The following KCNH5 variants were observed in gnomAD, a reference collection of about 807,000 sequenced individuals.
KCNH5 encodes the protein voltage-gated delayed rectifier potassium channel KCNH5.
In KCNH5, 46 loss-of-function variants were observed where a neutral mutation model predicts 96.1. The ratio of observed to expected loss-of-function variants is 0.48; its 90% CI spans 0.38 to 0.61. The LOEUF (loss-of-function observed/expected upper bound fraction) is 0.61. Ranked by LOEUF, KCNH5 falls within the 20% of genes least tolerant of loss-of-function variation. KCNH5 has a pLI of 0.00. For synonymous variants in KCNH5, 439 were observed against 449.8 expected (o/e 0.98, Z 0.30); for missense variants, 907 against 1,225.8 (o/e 0.74, Z 3.88).
intron 1 of KCNH5, among the ~76,000 whole-genome samples, chr14:63,038,880 C>A (rs1418026325): frequency 6.6e-6 from 1 of 151,954 alleles, no homozygotes; most frequent in Non-Finnish European, 1.5e-5. Flanking sequence ...TATTATAAAG[C>A]TAGACTATTT....
intron 7 of KCNH5, among the ~76,000 whole-genome samples, chr14:62,891,940 T>C (rs1888719711): frequency 1.3e-5 from 2 of 152,202 alleles, no homozygotes; most frequent in East Asian, 1.9e-4. Context: ...CCCCTGTCTT[T>C]CTTCCCCTAC....
chr14:62,732,968 T>TTC (rs939847721), intron 10 of KCNH5, among the ~76,000 whole-genome samples: 6 of 151,866 alleles, frequency 4.0e-5, no homozygotes, highest in Admixed American at 1.3e-4. Flanking sequence ...GTCCCCCTCC[T>TTC]TCTCTCTCTC....
chr14:62,843,594 T>C (rs1291242069), intron 8 of KCNH5, among the ~76,000 whole-genome samples: 1 of 152,036 alleles, frequency 6.6e-6, no homozygotes, highest in Non-Finnish European at 1.5e-5. Flanking sequence ...GTATTTTTAG[T>C]AGAGACGGGA....
In KCNH5 at chr14:62,704,424, T is replaced by A. The variant is rs1454050093; in HGVS notation, c.*3084A>T. 1 of 151,914 alleles carries A rather than the reference T, an allele frequency of 6.6e-6. No individual in the cohort carries two copies. The allele number at this position is 151,914 out of a possible 1,614,324, so 9.4% of individuals were successfully genotyped here. A position where few individuals can be genotyped will look rare whatever the true frequency, so the allele number is the denominator to read the frequency against. ...CTGGCTTTTGTGTGCCTATTTGCTT[T>A]TTATCATAATCTCTTCCATCTGCTA... On this transcript the variant is annotated 3_prime_UTR_variant, in exon 11 of 11. Transcript: ENST00000322893.
chr14:63,011,478 CA>C (rs199730487), intron 2 of KCNH5, among the ~76,000 whole-genome samples: 29,588 of 125,130 alleles, frequency 0.24, 3,789 homozygotes, highest in East Asian at 0.53. Flanking sequence ...AAGTCTGTCT[CA>C]AAAAAAAAAA....
chr14:62,926,013 G>C (rs1348429550), intron 7 of KCNH5, among the ~76,000 whole-genome samples: 1 of 151,988 alleles, frequency 6.6e-6, no homozygotes, highest in Non-Finnish European at 1.5e-5. Flanking sequence ...AATGACAAAG[G>C]CCATATATTG....
rs531590254 is a variant in KCNH5 at position 62,861,290 on chromosome 14, CAG to C, written c.1370-11440_1370-11439del. Among the ~76,000 whole-genome samples, 7 of 148,438 alleles carry C rather than the reference CAG, an allele frequency of 4.7e-5. No homozygotes were observed. The East Asian group carries it at 1.4e-3, about 30-fold the overall frequency. Reference sequence around the variant, plus strand: ...AAAATTGATTTTTTTTTTTTTGAGACAGAGTCTCTCACTCTGTCACCCAGGCT... The same window carrying C: ...AAAATTGATTTTTTTTTTTTTGAGACAGTCTCTCACTCTGTCACCCAGGCT... On this transcript the variant is annotated intron_variant, in intron 7 of 10. Coordinates refer to ENST00000322893, the MANE Select transcript of KCNH5 (RefSeq NM_139318.5).
chr14:62,992,454 G>A (rs1171080884), intron 4 of KCNH5, among the ~76,000 whole-genome samples: 2 of 151,986 alleles, frequency 1.3e-5, no homozygotes, highest in African/African-American at 4.8e-5. Context: ...CAGTGTACAA[G>A]AGTTCCCTTT....
intron 10 of KCNH5, chr14:62,712,201 GT>G (rs34843044): frequency 0.88 from 135,803 of 154,836 alleles, 60,335 homozygotes; most frequent in Non-Finnish European, 0.95. Context: ...TTAAGAGGTA[GT>G]TTTTTTTAAA....
intron 7 of KCNH5, among the ~76,000 whole-genome samples, chr14:62,896,002 G>A (rs1456082419): frequency 6.6e-6 from 1 of 152,126 alleles, no homozygotes; most frequent in Non-Finnish European, 1.5e-5. Flanking sequence ...GAAAGAAATT[G>A]TTTTCACATC....
intron 8 of KCNH5, among the ~76,000 whole-genome samples, chr14:62,806,989 A>ATC (rs1886779924): frequency 6.6e-6 from 1 of 152,138 alleles, no homozygotes; most frequent in African/African-American, 2.4e-5. Context: ...GCTGGAAAAG[A>ATC]TCCCTTTGCT....
At chr14:62,806,740 A>G (rs1886774889) in intron 8 of KCNH5, among the ~76,000 whole-genome samples, 1 of 152,090 alleles carries the variant, frequency 6.6e-6, no homozygotes, top group Non-Finnish European at 1.5e-5. Context: ...TCGAGGCCCA[A>G]CTTAGGAGGG....
At chr14:62,901,161 C>CT (rs1307299604) in intron 7 of KCNH5, among the ~76,000 whole-genome samples, 3 of 152,102 alleles carry the variant, frequency 2.0e-5, no homozygotes, top group African/African-American at 4.8e-5. Context: ...GCCTCCATCA[C>CT]TTTTTTCATT....
chr14:62,817,142 T>G (rs111870351), intron 8 of KCNH5, among the ~76,000 whole-genome samples: 2,081 of 139,678 alleles, frequency 0.015, 52 homozygotes, highest in African/African-American at 0.051. Flanking sequence ...ATATAATATA[T>G]ATATACACAC....
chr14:62,860,198 G>A (rs1040705893), intron 7 of KCNH5, among the ~76,000 whole-genome samples: 1 of 152,160 alleles, frequency 6.6e-6, no homozygotes, highest in Non-Finnish European at 1.5e-5. Flanking sequence ...AAGGAGAGTA[G>A]TTATCTGCAG....
rs370766335 is a variant in KCNH5, at chr14:62,993,546, C to T, written c.434-6359G>A. ...ATTTGCTCCTTCCTGATCACACATA[C>T]GTTTCAATCATGTACTTTGAAGTAG... is the stretch of plus-strand genomic sequence containing the variant. On this transcript the variant is annotated intron_variant, in intron 4 of 10. Transcript: ENST00000322893. 3.5e-4 allele frequency among the ~76,000 whole-genome samples: 53 copies of T among 152,116 alleles called. No individual in the cohort carries two copies. The Middle Eastern group carries it at 0.01, about 29-fold the overall frequency.
intron 8 of KCNH5, among the ~76,000 whole-genome samples, chr14:62,840,508 T>G (rs1296028072): frequency 6.9e-6 from 1 of 145,966 alleles, no homozygotes; most frequent in East Asian, 1.9e-4. Flanking sequence ...CTTTCTTTTT[T>G]CTTTTTCTTT....
intron 7 of KCNH5, among the ~76,000 whole-genome samples, chr14:62,927,285 G>A (rs1190854435): frequency 6.6e-6 from 1 of 152,132 alleles, no homozygotes; most frequent in Non-Finnish European, 1.5e-5. Flanking sequence ...TGCACTGTTG[G>A]TGGGAATGTG....
intron 7 of KCNH5, among the ~76,000 whole-genome samples, chr14:62,856,791 C>T (rs1203102218): frequency 6.6e-6 from 1 of 151,236 alleles, no homozygotes; most frequent in South Asian, 2.1e-4. Flanking sequence ...TTCCAATCTT[C>T]ACTTAATCTA....
Sources: gnomAD v4.1 joint callset for allele counts (sites outside exome capture counted in the v4.1 genomes callset) on GRCh38, gnomAD v4.1.1 for gene constraint, MANE v1.5 for transcripts, NCBI Gene and HGNC (gene_info 2026-07-23, HGNC 2026-07-21) for gene names.